Variants in CELF2 observed in about 807,000 individuals in gnomAD.
CELF2 encodes the protein CUG triplet repeat RNA-binding protein 2.
CELF2 carries 8 observed loss-of-function variants against 62.6 expected under a neutral mutation model. That is an observed-to-expected ratio of 0.13 (90% CI 0.07 to 0.23). The LOEUF is 0.23. CELF2 is among the 10% of genes least tolerant of loss of function. The probability of loss-of-function intolerance (pLI) is 1.00; values close to 1 mark genes in which losing one functional copy is unlikely to be tolerated. For synonymous variants in CELF2, 258 were observed against 250.0 expected (o/e 1.03, Z -0.30); for missense variants, 333 against 671.0 (o/e 0.50, Z 5.56).
At chr10:10,840,361 A>C (rs2058598018) in intron 1 of CELF2, among the ~76,000 whole-genome samples, 1 of 152,186 alleles carries the variant, frequency 6.6e-6, no homozygotes. Context: ...CCGCATCCTC[A>C]CCAGCAATTG....
chr10:11,137,096 A>T (rs191439878), intron 1 of CELF2, among the ~76,000 whole-genome samples: 1 of 152,236 alleles, frequency 6.6e-6, no homozygotes, highest in African/African-American at 2.4e-5. Flanking sequence ...CTATGTATGT[A>T]TGCACATGCA....
chr10:11,167,319 G>C (rs982800036), intron 2 of CELF2, among the ~76,000 whole-genome samples: 2 of 152,220 alleles, frequency 1.3e-5, no homozygotes, highest in African/African-American at 2.4e-5. Flanking sequence ...TCACCAGCCA[G>C]ACTGTCACCT....
rs571743919 is a variant in CELF2 at position 11,214,138 on chromosome 10, G to T, written c.272-3287G>T. Among the ~76,000 whole-genome samples, 1 of 152,250 alleles carries T rather than the reference G, an allele frequency of 6.6e-6. No individual in the cohort carries two copies. The highest frequency in any genetic ancestry group is 2.4e-5 in the African/African-American group (1 of 41,538). On this transcript the variant is annotated intron_variant, in intron 2 of 12. Transcript: ENST00000633077. The surrounding 1 kb of genome is among the most constrained non-coding windows in gnomAD (Gnocchi z 4.2). ...TATCTCTACAAAAATGTAAAAAGTAGTCAGGCATGGTAGCACACACCTGTA... is the reference window on the plus strand; with the variant it reads ...TATCTCTACAAAAATGTAAAAAGTATTCAGGCATGGTAGCACACACCTGTA...
At chr10:10,508,850 A>G in the CELF2 span, among the ~76,000 whole-genome samples, 2 of 151,726 alleles carry the variant, frequency 1.3e-5, no homozygotes, top group Non-Finnish European at 2.9e-5. Context: ...TAATTTTTGT[A>G]TTTTTAGTAG....
intron 1 of CELF2, among the ~76,000 whole-genome samples, chr10:11,107,085 T>C (rs2053695570): frequency 6.6e-6 from 1 of 152,200 alleles, no homozygotes; most frequent in African/African-American, 2.4e-5. Context: ...TGTTTTGTAC[T>C]AAGGGAGCTG....
rs2053835221 is a variant in CELF2, at chr10:10,995,239, T to C, written c.89+75240T>C. On this transcript the variant is annotated intron_variant, in intron 2 of 13. Coordinates refer to the CELF2 transcript ENST00000636488. The surrounding 1 kb of genome is among the most constrained non-coding windows in gnomAD (Gnocchi z 4.7). ...TCCTTCAGAAAAAGAAACGTGTGGC[T>C]CATGTAGCTCGTCACATTTTTTATT... Among the ~76,000 whole-genome samples, 1 of 152,234 alleles carries C rather than the reference T, an allele frequency of 6.6e-6. No homozygotes were observed. The highest frequency in any genetic ancestry group is 1.5e-5 in the Non-Finnish European group (1 of 68,036).
the CELF2 span, among the ~76,000 whole-genome samples, chr10:10,741,767 A>G: frequency 3.3e-5 from 5 of 152,078 alleles, no homozygotes; most frequent in Admixed American, 6.6e-5. Flanking sequence ...GAAAGTTACT[A>G]TTTTTCTCTT....
chr10:11,336,480 A>G lies in CELF2; in HGVS notation c.*7427A>G, dbSNP rs1015293477. 1 of 152,648 alleles carries G rather than the reference A, an allele frequency of 6.6e-6. No individual in the cohort carries two copies. Among genetic ancestry groups the G allele is most frequent in the Non-Finnish European group, 1.5e-5 (1 of 68,038 alleles). 9.5% of individuals were successfully genotyped at this position (152,648 alleles called of 1,614,324 possible). A position where few individuals can be genotyped will look rare whatever the true frequency, so the allele number is the denominator to read the frequency against. ...ATGTGTCTTATATATATTGAACTAT[A>G]TAGTACTCGATTTCTTAAATAAAGC... On this transcript the variant is annotated 3_prime_UTR_variant, in exon 13 of 13. Coordinates refer to ENST00000633077, the MANE Select transcript of CELF2 (RefSeq NM_001326342.2). The surrounding 1 kb of genome is among the most constrained non-coding windows in gnomAD (Gnocchi z 5.4).
chr10:11,234,382 TAAAA>T (rs956374781), intron 3 of CELF2, among the ~76,000 whole-genome samples: 4 of 151,980 alleles, frequency 2.6e-5, no homozygotes, highest in African/African-American at 9.7e-5. Flanking sequence ...TCTTTCAACA[TAAAA>T]AAAATTCAAG....
At chr10:10,825,042 T>A (rs1210286767) in intron 1 of CELF2, among the ~76,000 whole-genome samples, 1 of 152,216 alleles carries the variant, frequency 6.6e-6, no homozygotes, top group East Asian at 1.9e-4. Flanking sequence ...TCTTAATAGT[T>A]TCCAAAGATA....
chr10:11,124,070 A>G (rs1176565607), intron 1 of CELF2, among the ~76,000 whole-genome samples: 2 of 152,202 alleles, frequency 1.3e-5, no homozygotes, highest in East Asian at 3.9e-4. Context: ...TCCCGTGTAT[A>G]AAACCATCAG....
intron 9 of CELF2, among the ~76,000 whole-genome samples, chr10:11,310,647 A>G (rs2094514389): frequency 6.6e-6 from 1 of 152,000 alleles, no homozygotes; most frequent in Non-Finnish European, 1.5e-5. Flanking sequence ...TAGAATTCAA[A>G]CATGTGCGAG....
At chr10:10,554,469 T>C in the CELF2 span, among the ~76,000 whole-genome samples, 1 of 152,148 alleles carries the variant, frequency 6.6e-6, no homozygotes, top group Non-Finnish European at 1.5e-5. Flanking sequence ...TGTTTGACCA[T>C]TGGGAGGCAC....
At chr10:11,121,049 G>GT (rs1378778086) in intron 1 of CELF2, among the ~76,000 whole-genome samples, 1 of 152,198 alleles carries the variant, frequency 6.6e-6, no homozygotes, top group African/African-American at 2.4e-5. Context: ...CCCAAGGCAT[G>GT]TTCCTGTCGT....
the CELF2 span, among the ~76,000 whole-genome samples, chr10:10,748,131 G>T: frequency 1.3e-5 from 2 of 152,076 alleles, no homozygotes; most frequent in African/African-American, 4.8e-5. Flanking sequence ...AACATACAGT[G>T]AAATAGAAGA....
In CELF2 at chr10:11,242,846, G is replaced by T. The variant is rs895316350; in HGVS notation, c.355-6307G>T. Reference sequence around the variant, plus strand: ...CATGGGCTGCTTATCCCCAGGAGGTGGGACGAAGGGGGAGGCCTGATGCTG... The same window carrying T: ...CATGGGCTGCTTATCCCCAGGAGGTTGGACGAAGGGGGAGGCCTGATGCTG... On this transcript the variant is annotated intron_variant, in intron 3 of 12. Coordinates refer to ENST00000633077, the MANE Select transcript of CELF2 (RefSeq NM_001326342.2). The surrounding 1 kb of genome is among the most constrained non-coding windows in gnomAD (Gnocchi z 4.8). Among the ~76,000 whole-genome samples, 1 of 152,090 alleles carries T rather than the reference G, an allele frequency of 6.6e-6. No individual in the cohort carries two copies. Among genetic ancestry groups the T allele is most frequent in the Non-Finnish European group, 1.5e-5 (1 of 68,018 alleles).
At chr10:11,152,596 G>A (rs1325259261) in intron 1 of CELF2, among the ~76,000 whole-genome samples, 1 of 152,156 alleles carries the variant, frequency 6.6e-6, no homozygotes, top group Non-Finnish European at 1.5e-5. Context: ...CCTAAAGGAT[G>A]TTCTTGAACA....
intron 2 of CELF2, chr10:10,944,145 C>T (rs2047382272): frequency 6.6e-6 from 1 of 152,574 alleles, no homozygotes; most frequent in African/African-American, 2.4e-5. Flanking sequence ...TGTCCCTACC[C>T]CACCACAAAA....
At chr10:10,527,076 A>G in the CELF2 span, among the ~76,000 whole-genome samples, 2 of 152,190 alleles carry the variant, frequency 1.3e-5, no homozygotes, top group Non-Finnish European at 2.9e-5. Context: ...TATTCGGTTG[A>G]TCTTCTTTCA....
Sources: gnomAD v4.1 joint callset for allele counts (sites outside exome capture counted in the v4.1 genomes callset) on GRCh38, gnomAD v4.1.1 for gene constraint, Gnocchi (gnomAD v3.1) non-coding constraint, MANE v1.5 for transcripts, NCBI Gene and HGNC (gene_info 2026-07-23, HGNC 2026-07-21) for gene names.